CAMKK1: variants seen among roughly 807,000 people sequenced by gnomAD.
The protein encoded by CAMKK1 is calcium/calmodulin-dependent protein kinase kinase 1.
A neutral mutation model predicts 63.5 loss-of-function variants in CAMKK1; 20 were observed. The ratio of observed to expected loss-of-function variants is 0.32; its 90% CI spans 0.22 to 0.46. The LOEUF is 0.46. Ranked by LOEUF, CAMKK1 falls within the 20% of genes least tolerant of loss-of-function variation. The pLI is 1.00. For missense variants in CAMKK1, 588 were observed against 658.1 expected (o/e 0.89, Z 1.17); for synonymous variants, 253 against 269.0 (o/e 0.94, Z 0.58).
chr17:3,872,092 G>A (rs541311625), intron 12 of CAMKK1, among the ~76,000 whole-genome samples: 35 of 152,344 alleles, frequency 2.3e-4, no homozygotes, highest in African/African-American at 8.4e-4. Flanking sequence ...CGGTCACAAT[G>A]GGAAGAGTGG....
rs1386824886 is a variant in CAMKK1, at chr17:3,882,515, C to T, written c.685+13G>A. 1 of 1,595,452 alleles carries T rather than the reference C, an allele frequency of 6.3e-7. No individual in the cohort carries two copies. The highest frequency in any genetic ancestry group is 8.5e-7 in the Non-Finnish European group (1 of 1,170,288). On this transcript the variant is annotated intron_variant, in intron 7 of 15. Coordinates refer to ENST00000348335, the MANE Select transcript of CAMKK1 (RefSeq NM_032294.3). This position sits in a 1 kb window ranked among gnomAD's most constrained non-coding sequence, Gnocchi z 4.3. ...CTGAGTGAGCTGCTGTGGGAATGAGCCAGGTCACTCACCCAAATAGAGGTT... is the reference window on the plus strand; with the variant it reads ...CTGAGTGAGCTGCTGTGGGAATGAGTCAGGTCACTCACCCAAATAGAGGTT...
At chr17:3,885,016 G>C (rs1488855756) in intron 2 of CAMKK1, among the ~76,000 whole-genome samples, 1 of 152,218 alleles carries the variant, frequency 6.6e-6, no homozygotes, top group Non-Finnish European at 1.5e-5. Flanking sequence ...AGCTGGAGAA[G>C]AGTTAGGGGG....
chr17:3,883,753 C>T lies in CAMKK1; in HGVS notation c.462+131G>A. ...CAGGGTTAGGAAGCTCATTCCTTTG[C>T]ATACCCCTAGGGACAGGGAGCTCAC... is the stretch of plus-strand genomic sequence containing the variant. On this transcript the variant is annotated intron_variant, in intron 4 of 15. Coordinates refer to ENST00000348335, the MANE Select transcript of CAMKK1 (RefSeq NM_032294.3). The surrounding 1 kb of genome is among the most constrained non-coding windows in gnomAD (Gnocchi z 4.7). The T allele has an allele frequency of 1.2e-6, 1 of 863,064 alleles. No individual in the cohort carries two copies. The allele number at this position is 863,064 out of a possible 1,614,324, so 53.5% of individuals were successfully genotyped here. A position where few individuals can be genotyped will look rare whatever the true frequency, so the allele number is the denominator to read the frequency against.
chr17:3,872,708 G>T, intron 11 of CAMKK1, 81 bp from the exon 12 acceptor site: 1 of 1,221,326 alleles, frequency 8.2e-7, no homozygotes, highest in Non-Finnish European at 1.2e-6. Context: ...TCCCTTGGTG[G>T]GGGCAGGGGT....
At chr17:3,866,117 T>C (rs1212749992) in intron 14 of CAMKK1, 106 bp from the exon 15 acceptor site, 14 of 1,313,092 alleles carry the variant, frequency 1.1e-5, no homozygotes, top group South Asian at 1.3e-5. Context: ...GCAGTGCGGG[T>C]CCCATCTCAA....
rs1337323154 is a variant in CAMKK1, at chr17:3,889,192, A to G, written c.-43-3462T>C. On this transcript the variant is annotated intron_variant, in intron 1 of 15. Coordinates refer to ENST00000348335, the MANE Select transcript of CAMKK1 (RefSeq NM_032294.3). The surrounding 1 kb of genome is among the most constrained non-coding windows in gnomAD (Gnocchi z 5.2). Reference sequence around the variant, plus strand: ...GATTCTGTGCCCCGGGCGGAAACCCAGGCCCATCTGGAGGCTCACACAGGG... The same window carrying G: ...GATTCTGTGCCCCGGGCGGAAACCCGGGCCCATCTGGAGGCTCACACAGGG... Among the ~76,000 whole-genome samples, 1 of 152,092 alleles carries G rather than the reference A, an allele frequency of 6.6e-6. No individual in the cohort carries two copies. Among genetic ancestry groups the G allele is most frequent in the African/African-American group, 2.4e-5 (1 of 41,404 alleles).
At chr17:3,891,116 G>T (rs925088335) in intron 1 of CAMKK1, among the ~76,000 whole-genome samples, 18 of 151,828 alleles carry the variant, frequency 1.2e-4, no homozygotes, top group Admixed American at 7.2e-4. Flanking sequence ...GGTTGGGGGG[G>T]GGGTCACAGG....
chr17:3,880,488 A>G, intron 8 of CAMKK1, 54 bp from the exon 9 acceptor site: 1 of 1,455,730 alleles, frequency 6.9e-7, no homozygotes, highest in Non-Finnish European at 9.5e-7. Context: ...GCACCCGGCC[A>G]TTCAGGTGGT....
chr17:3,867,762 G>C lies in CAMKK1; in HGVS notation c.1341+1725C>G, dbSNP rs553690804. Among the ~76,000 whole-genome samples, 5 of 152,250 alleles carry C rather than the reference G, an allele frequency of 3.3e-5. No homozygotes were observed. In the South Asian group the frequency reaches 1.0e-3, roughly 32 times the overall value. ...AGGCCCCGCCAACGGCAGTGGCCCT[G>C]GCTCTCCTCCTGGCCTTGTGCTTGC... On this transcript the variant is annotated intron_variant, in intron 14 of 15. Coordinates refer to ENST00000348335, the MANE Select transcript of CAMKK1 (RefSeq NM_032294.3).
At chr17:3,880,561 T>C (rs1419235105) in intron 8 of CAMKK1, 127 bp from the exon 9 acceptor site, 3 of 658,018 alleles carry the variant, frequency 4.6e-6, no homozygotes, top group Non-Finnish European at 8.2e-6. Flanking sequence ...TAGCTTTTTC[T>C]GCTACATAAT....
In CAMKK1 at chr17:3,883,420, G is replaced by C. The variant is rs371303596; in HGVS notation, c.514+9C>G. On this transcript the variant is annotated intron_variant, in intron 5 of 15. Transcript: ENST00000348335. The surrounding 1 kb of genome is among the most constrained non-coding windows in gnomAD (Gnocchi z 4.7). ...GGAGCTCCCAGGGACAGGATCAGAA[G>C]ATACATACGTGGAAAGCCATACTGC... is the stretch of plus-strand genomic sequence containing the variant. 5.6e-6 allele frequency: 9 copies of C among 1,612,454 alleles called. No individual in the cohort carries two copies. The highest frequency in any genetic ancestry group is 6.8e-6 in the Non-Finnish European group (8 of 1,178,510).
At chr17:3,875,066 G>A (rs182361853) in intron 10 of CAMKK1, among the ~76,000 whole-genome samples, 100 of 152,122 alleles carry the variant, frequency 6.6e-4, no homozygotes, top group African/African-American at 2.2e-3. Context: ...AGCTTGCAGT[G>A]AGCTGAGATC....
chr17:3,873,589 A>C, intron 10 of CAMKK1, 127 bp from the exon 11 acceptor site: 2 of 873,420 alleles, frequency 2.3e-6, no homozygotes, highest in Non-Finnish European at 3.7e-6. Context: ...CTCGACAAAC[A>C]CTCCGCGGTA....
intron 9 of CAMKK1, 122 bp downstream of exon 9, chr17:3,880,224 T>A: frequency 4.9e-4 from 343 of 702,168 alleles, no homozygotes; most frequent in Middle Eastern, 2.1e-3. Context: ...CCACTCCCAC[T>A]GAAGCTGATT....
chr17:3,881,725 G>C, intron 7 of CAMKK1, 77 bp from the exon 8 acceptor site: 1 of 1,335,796 alleles, frequency 7.5e-7, no homozygotes, highest in South Asian at 1.3e-5. Context: ...CTGTTCTGGA[G>C]GGTAGGAGAG....
In CAMKK1 at chr17:3,890,328, G is replaced by A. The variant is rs2055848234; in HGVS notation, c.-44+2611C>T. On this transcript the variant is annotated intron_variant, in intron 1 of 15. Coordinates refer to ENST00000348335, the MANE Select transcript of CAMKK1 (RefSeq NM_032294.3). The surrounding 1 kb of genome is among the most constrained non-coding windows in gnomAD (Gnocchi z 6.5). ...TGGGGAGCCCCCAAGCACCAATACG[G>A]GCTGTTGCCTGACTCAGCACAGCTA... Among the ~76,000 whole-genome samples, 1 of 152,128 alleles carries A rather than the reference G, an allele frequency of 6.6e-6. No individual in the cohort carries two copies. Among genetic ancestry groups the A allele is most frequent in the Non-Finnish European group, 1.5e-5 (1 of 68,022 alleles).
chr17:3,872,854 C>T (rs1332982465), intron 11 of CAMKK1, among the ~76,000 whole-genome samples: 3 of 152,174 alleles, frequency 2.0e-5, no homozygotes, highest in East Asian at 1.9e-4. Context: ...TACTGCCACC[C>T]GCGGCCAGGC....
chr17:3,873,380 C>G, intron 11 of CAMKK1, 29 bp downstream of exon 11: 2 of 1,612,972 alleles, frequency 1.2e-6, no homozygotes, highest in East Asian at 4.5e-5. Flanking sequence ...TGGACCCGCC[C>G]CAGCTCTGCT....
chr17:3,865,529 C>T, intron 15 of CAMKK1: 1 of 1,038,246 alleles, frequency 9.6e-7, no homozygotes, highest in Non-Finnish European at 1.2e-6. Flanking sequence ...GTCTGCAAAC[C>T]TCTGCCAGGC....
Sources: allele counts gnomAD v4.1 joint callset (sites outside exome capture counted in the v4.1 genomes callset), GRCh38; gene constraint gnomAD v4.1.1; non-coding constraint Gnocchi (gnomAD v3.1); transcripts MANE v1.5; gene names NCBI Gene and HGNC (gene_info 2026-07-23, HGNC 2026-07-21).